The following FRMD3 variants were observed in gnomAD, a reference collection of about 807,000 sequenced individuals.
FRMD3 encodes the protein FERM domain containing 3, also known as FERM domain-containing protein 3.
FRMD3 carries 33 observed loss-of-function variants against 70.2 expected under a neutral mutation model. That is an observed-to-expected ratio of 0.47 (90% confidence interval 0.36 to 0.63). The LOEUF (loss-of-function observed/expected upper bound fraction) is 0.63. Ranked by LOEUF, FRMD3 falls within the 20% of genes least tolerant of loss-of-function variation. The pLI is 0.00. For synonymous variants in FRMD3, 279 were observed against 255.9 expected (o/e 1.09, Z -0.86); for missense variants, 632 against 711.4 (o/e 0.89, Z 1.27).
chr9:83,378,751 A>AAT (rs550690515), intron 2 of FRMD3, among the ~76,000 whole-genome samples: 1 of 120,764 alleles, frequency 8.3e-6, no homozygotes, highest in African/African-American at 3.8e-5. Flanking sequence ...TATTATATAT[A>AAT]ATATATAATT....
chr9:83,261,102 G>GACACACACACAC (rs59345002), intron 13 of FRMD3, among the ~76,000 whole-genome samples: 17,139 of 132,832 alleles, frequency 0.13, 1,377 homozygotes, highest in African/African-American at 0.15. Context: ...AGGAAACTTA[G>GACACACACACAC]ACACACACAC....
intron 1 of FRMD3, among the ~76,000 whole-genome samples, chr9:83,509,124 C>A (rs966653673): frequency 1.3e-5 from 2 of 151,882 alleles, no homozygotes; most frequent in African/African-American, 4.8e-5. Flanking sequence ...CCATGAGGAC[C>A]GGAATTTCTG....
chr9:83,391,799 TG>T (rs1322682882), intron 1 of FRMD3, among the ~76,000 whole-genome samples: 1 of 152,182 alleles, frequency 6.6e-6, no homozygotes, highest in Non-Finnish European at 1.5e-5. Context: ...CCAATTCCCA[TG>T]GTTCCAGACC....
chr9:83,363,211 T>C (rs1824666475), intron 3 of FRMD3, among the ~76,000 whole-genome samples: 2 of 152,170 alleles, frequency 1.3e-5, no homozygotes, highest in East Asian at 3.9e-4. Context: ...CAGTTAAGTA[T>C]ACATCTTTCC....
At chr9:83,536,493 G>C (rs1431727449) in intron 1 of FRMD3, among the ~76,000 whole-genome samples, 1 of 152,136 alleles carries the variant, frequency 6.6e-6, no homozygotes, top group Non-Finnish European at 1.5e-5. Context: ...ACCCACTTTA[G>C]GACTTAAAGC....
chr9:83,476,276 C>G (rs1026685501), intron 1 of FRMD3, among the ~76,000 whole-genome samples: 6 of 151,406 alleles, frequency 4.0e-5, no homozygotes, highest in South Asian at 2.1e-4. Flanking sequence ...CCCAGCTAAT[C>G]AGGAGGCTGA....
Position 83,246,014 on chromosome 9 carries a change from C to T in FRMD3, c.*1904G>A. 1.0e-6 allele frequency: 1 copy of T among 985,334 alleles called. No homozygotes were observed. Among genetic ancestry groups the T allele is most frequent in the Non-Finnish European group, 1.2e-6 (1 of 829,912 alleles). The allele number at this position is 985,334 out of a possible 1,614,324, so 61.0% of individuals were successfully genotyped here. A position where few individuals can be genotyped will look rare whatever the true frequency, so the allele number is the denominator to read the frequency against. On this transcript the variant is annotated 3_prime_UTR_variant, in exon 14 of 14. Transcript: ENST00000304195. The stretch of plus-strand genomic sequence containing the variant: ...CATATAGGAAAGGAAACCCCTCAAA[C>T]TTAATGGCAAATATATAGTCATTTG...
chr9:83,542,294 G>A (rs1830008616), upstream of FRMD3, among the ~76,000 whole-genome samples: 1 of 152,186 alleles, frequency 6.6e-6, no homozygotes, highest in Admixed American at 6.5e-5. Flanking sequence ...GCCCACAAAA[G>A]ATTGATGGTT....
chr9:83,272,833 C>T (rs1563987055), intron 13 of FRMD3, among the ~76,000 whole-genome samples: 1 of 151,490 alleles, frequency 6.6e-6, no homozygotes, highest in African/African-American at 2.4e-5. Context: ...CCGGCCACGA[C>T]CCCATCTGGG....
In FRMD3 at chr9:83,446,385, C is replaced by T. The variant is rs535386398; in HGVS notation, c.148-56677G>A. ...TCTGTTGGCCGGGCGCGGTGGCTCA[C>T]GCATGTAATCCCAGCACTTTCGGAG... On this transcript the variant is annotated intron_variant, in intron 1 of 13. Transcript: ENST00000304195. 3.3e-3 allele frequency among the ~76,000 whole-genome samples: 502 copies of T among 152,256 alleles called. 2 individuals carry two copies. Among genetic ancestry groups the T allele is most frequent in the Non-Finnish European group, 5.9e-3 (401 of 68,014 alleles).
rs1203788804 is a variant in FRMD3 at position 83,290,709 on chromosome 9, G to A, written c.1089C>T (p.Ser363=). ...GTTTGTTCAAGGAGTGGGAACTGCG[G>A]CTCTGAGTAATGTTGGCTCTGAAAA... The part of the protein sequence containing the change: ...PEVHRANITQ[S]RSSHSLNKQL... Residue 363 remains serine, a synonymous_variant, in exon 13 of 14, where the codon AGC becomes AGT. Transcript: ENST00000304195. 1 of 1,612,284 alleles carries A rather than the reference G, an allele frequency of 6.2e-7. No homozygotes were observed. Among genetic ancestry groups the A allele is most frequent in the Admixed American group, 1.7e-5 (1 of 59,800 alleles).
chr9:83,402,955 G>A (rs112724819), intron 1 of FRMD3, among the ~76,000 whole-genome samples: 17,047 of 128,862 alleles, frequency 0.13, 1,097 homozygotes, highest in South Asian at 0.17. Context: ...CCAGGCTGTA[G>A]TACAATGGCG....
intron 4 of FRMD3, among the ~76,000 whole-genome samples, chr9:83,344,397 A>G (rs1448428313): frequency 6.6e-6 from 1 of 152,162 alleles, no homozygotes. Context: ...GCCATGGGAT[A>G]CCCAGATATC....
At chr9:83,558,286 G>GCACATGTGCATGTGTGCGCGCGCA in the FRMD3 span, among the ~76,000 whole-genome samples, 14 of 152,082 alleles carry the variant, frequency 9.2e-5, no homozygotes, top group African/African-American at 3.4e-4. Flanking sequence ...GTGCGCGCGC[G>GCACATGTGCATGTGTGCGCGCGCA]CACGCACATG....
chr9:83,418,495 T>G (rs1395845241), intron 1 of FRMD3, among the ~76,000 whole-genome samples: 1 of 152,010 alleles, frequency 6.6e-6, no homozygotes, highest in African/African-American at 2.4e-5. Flanking sequence ...CAAAAGAAGA[T>G]ATGCAAACAG....
At chr9:83,452,473 GT>G (rs55688520) in intron 1 of FRMD3, among the ~76,000 whole-genome samples, 35,973 of 151,812 alleles carry the variant, frequency 0.24, 4,288 homozygotes, top group Non-Finnish European at 0.26. Flanking sequence ...TGCTTGAGTT[GT>G]TTTTTTTGTT....
intron 3 of FRMD3, among the ~76,000 whole-genome samples, chr9:83,362,535 G>A (rs1824624998): frequency 6.6e-6 from 1 of 152,268 alleles, no homozygotes; most frequent in East Asian, 1.9e-4. Flanking sequence ...AAGCACCCCT[G>A]CCCCTTCAGG....
intron 3 of FRMD3, chr9:83,350,729 C>T (rs1824128532): frequency 3.1e-6 from 3 of 981,744 alleles, no homozygotes; most frequent in Non-Finnish European, 3.6e-6. Context: ...AGGGAAAATC[C>T]TATGTAGGCT....
intron 1 of FRMD3, among the ~76,000 whole-genome samples, chr9:83,431,860 T>C (rs760070910): frequency 1.3e-5 from 2 of 152,236 alleles, no homozygotes; most frequent in Non-Finnish European, 2.9e-5. Flanking sequence ...AATGAGCTCT[T>C]ATCAAAAGAT....
Sources: allele counts gnomAD v4.1 joint callset (sites outside exome capture counted in the v4.1 genomes callset), GRCh38; gene constraint gnomAD v4.1.1; transcripts MANE v1.5; gene names NCBI Gene and HGNC (gene_info 2026-07-23, HGNC 2026-07-21).